SGCZ: variants seen among roughly 807,000 people sequenced by gnomAD.
SGCZ encodes the protein zeta-sarcoglycan.
Under a neutral mutation model 41.3 loss-of-function variants are expected in SGCZ, and 40 were observed. That is an observed-to-expected ratio of 0.97 (90% CI 0.75 to 1.26). The LOEUF (loss-of-function observed/expected upper bound fraction) is 1.26. Ranked by LOEUF, SGCZ falls within the 50% of genes most tolerant of loss-of-function variation. The pLI is 0.00. For missense variants in SGCZ, 552 were observed against 369.8 expected (o/e 1.49, Z -4.04); for synonymous variants, 206 against 137.5 (o/e 1.50, Z -3.49).
chr8:14,777,556 C>G (rs1454821796), intron 1 of SGCZ, among the ~76,000 whole-genome samples: 1 of 152,104 alleles, frequency 6.6e-6, no homozygotes, highest in Non-Finnish European at 1.5e-5. Flanking sequence ...CTTCATGTAT[C>G]TTTAATCTCA....
chr8:14,807,586 C>A (rs1355250327), intron 1 of SGCZ, among the ~76,000 whole-genome samples: 2 of 151,622 alleles, frequency 1.3e-5, no homozygotes, highest in Admixed American at 6.6e-5. Flanking sequence ...AAAGAGGATA[C>A]AAACAAATGG....
chr8:14,652,460 A>C (rs997824467), intron 1 of SGCZ, among the ~76,000 whole-genome samples: 1 of 151,936 alleles, frequency 6.6e-6, no homozygotes, highest in Admixed American at 6.6e-5. Flanking sequence ...AGTATTTCCC[A>C]GTTAAGTAGG....
At chr8:14,463,072 A>G (rs1341927294) in intron 2 of SGCZ, among the ~76,000 whole-genome samples, 1 of 151,690 alleles carries the variant, frequency 6.6e-6, no homozygotes, top group Non-Finnish European at 1.5e-5. Context: ...ATTAATCTTA[A>G]CCATATTTTT....
chr8:14,809,677 C>T (rs549220902), intron 1 of SGCZ, among the ~76,000 whole-genome samples: 29 of 152,190 alleles, frequency 1.9e-4, no homozygotes, highest in African/African-American at 6.5e-4. Flanking sequence ...AAAATTCATG[C>T]ATCTATAATT....
intron 1 of SGCZ, among the ~76,000 whole-genome samples, chr8:15,214,758 T>A (rs1801345255): frequency 6.6e-6 from 1 of 152,164 alleles, no homozygotes; most frequent in Non-Finnish European, 1.5e-5. Flanking sequence ...TACCTTCTTC[T>A]TTCAAAAATA....
At chr8:14,226,470 TA>T (rs1393183170) in intron 4 of SGCZ, among the ~76,000 whole-genome samples, 1 of 152,098 alleles carries the variant, frequency 6.6e-6, no homozygotes, top group Non-Finnish European at 1.5e-5. Context: ...GAACGTCATA[TA>T]AATGCCATCA....
intron 1 of SGCZ, among the ~76,000 whole-genome samples, chr8:15,141,317 T>A (rs1808312560): frequency 6.6e-6 from 1 of 152,252 alleles, no homozygotes. Context: ...GATCTGTTGA[T>A]TCCATGTTGA....
intron 3 of SGCZ, among the ~76,000 whole-genome samples, chr8:14,252,843 A>T (rs767682788): frequency 6.6e-6 from 1 of 151,918 alleles, no homozygotes. Flanking sequence ...ATTTTCTACT[A>T]TTTTTTCAAC....
intron 1 of SGCZ, among the ~76,000 whole-genome samples, chr8:14,688,057 T>C (rs1267833583): frequency 1.3e-5 from 2 of 152,212 alleles, no homozygotes; most frequent in African/African-American, 2.4e-5. Flanking sequence ...TTTTTTCTTG[T>C]AAATTTGTTT....
rs561570929 is a variant in SGCZ at position 14,325,205 on chromosome 8, G to C, written c.235-1001C>G. On this transcript the variant is annotated intron_variant, in intron 2 of 7. Coordinates refer to ENST00000382080, the MANE Select transcript of SGCZ (RefSeq NM_139167.4). ...GCAGAAGTACTGTTTAGGGCTAACTGATACAGTATTACTAATAATGCATAA... is the reference window on the plus strand; with the variant it reads ...GCAGAAGTACTGTTTAGGGCTAACTCATACAGTATTACTAATAATGCATAA... 1.2e-3 allele frequency among the ~76,000 whole-genome samples: 188 copies of C among 152,174 alleles called. No individual in the cohort carries two copies. The Middle Eastern group carries it at 0.014, about 11-fold the overall frequency.
At chr8:14,564,332 A>G (rs546936498) in intron 1 of SGCZ, among the ~76,000 whole-genome samples, 2 of 152,052 alleles carry the variant, frequency 1.3e-5, no homozygotes, top group South Asian at 4.1e-4. Context: ...TTTAGATTTA[A>G]CGCTACAATA....
intron 1 of SGCZ, among the ~76,000 whole-genome samples, chr8:14,943,129 A>G (rs899541904): frequency 6.6e-6 from 1 of 152,192 alleles, no homozygotes; most frequent in African/African-American, 2.4e-5. Flanking sequence ...CATTACATTC[A>G]AAATACTTGC....
At chr8:14,789,894 A>C (rs568940594) in intron 1 of SGCZ, among the ~76,000 whole-genome samples, 1 of 152,234 alleles carries the variant, frequency 6.6e-6, no homozygotes, top group African/African-American at 2.4e-5. Flanking sequence ...TTCTTCAATA[A>C]AATTTCAGGC....
chr8:15,057,906 C>A (rs1020355584), intron 1 of SGCZ, among the ~76,000 whole-genome samples: 1 of 152,144 alleles, frequency 6.6e-6, no homozygotes, highest in Non-Finnish European at 1.5e-5. Context: ...ATCACCTAAT[C>A]TGGGCCAAGC....
intron 1 of SGCZ, among the ~76,000 whole-genome samples, chr8:14,998,526 T>C (rs537584540): frequency 7.6e-6 from 1 of 130,750 alleles, no homozygotes; most frequent in East Asian, 2.1e-4. Flanking sequence ...AACAGTTAAC[T>C]TTTTCTTAAG....
At chr8:14,882,435 A>G (rs529298257) in intron 1 of SGCZ, among the ~76,000 whole-genome samples, 1 of 152,328 alleles carries the variant, frequency 6.6e-6, no homozygotes, top group Non-Finnish European at 1.5e-5. Context: ...AATCTAGTTA[A>G]TATAAAATTA....
At chr8:14,302,810 T>A (rs1801240404) in intron 3 of SGCZ, among the ~76,000 whole-genome samples, 1 of 152,304 alleles carries the variant, frequency 6.6e-6, no homozygotes, top group Non-Finnish European at 1.5e-5. Flanking sequence ...AACTACCAGA[T>A]ACAGAATTGT....
intron 4 of SGCZ, among the ~76,000 whole-genome samples, chr8:14,181,192 A>C (rs1804713718): frequency 6.6e-6 from 1 of 152,154 alleles, no homozygotes. Flanking sequence ...GTCCCTACTA[A>C]ATACCCGTGT....
chr8:15,004,282 C>T (rs1802523847), intron 1 of SGCZ, among the ~76,000 whole-genome samples: 1 of 152,086 alleles, frequency 6.6e-6, no homozygotes, highest in Admixed American at 6.5e-5. Flanking sequence ...CGATAATGAG[C>T]AAGGCAGTCA....
Sources: gnomAD v4.1 joint callset for allele counts (sites outside exome capture counted in the v4.1 genomes callset) on GRCh38, gnomAD v4.1.1 for gene constraint, MANE v1.5 for transcripts, NCBI Gene and HGNC (gene_info 2026-07-23, HGNC 2026-07-21) for gene names.